Variants in PPP2R1B observed in about 807,000 individuals in gnomAD.
PPP2R1B encodes the protein protein phosphatase 2 scaffold subunit Abeta.
PPP2R1B carries 58 observed loss-of-function variants against 72.7 expected under a neutral mutation model. The observed-to-expected ratio is 0.80, with a 90% CI of 0.65 to 0.99. The LOEUF is 0.99. Among genes scored for constraint, PPP2R1B ranks in the 50% least tolerant of loss-of-function variants. The pLI, the probability that PPP2R1B is intolerant of heterozygous loss-of-function variation, is 0.00. For missense variants in PPP2R1B, 695 were observed against 733.6 expected (o/e 0.95, Z 0.61); for synonymous variants, 256 against 264.6 (o/e 0.97, Z 0.32).
At chr11:111,712,105 T>G in the PPP2R1B span, 3 of 1,169,548 alleles carry the variant, frequency 2.6e-6, no homozygotes, top group Non-Finnish European at 3.6e-6. Flanking sequence ...AAATAAATAT[T>G]CATTCTTTAA....
intron 3 of PPP2R1B, among the ~76,000 whole-genome samples, chr11:111,764,477 A>G (rs1052465657): frequency 6.6e-6 from 1 of 152,360 alleles, no homozygotes; most frequent in African/African-American, 2.4e-5. Flanking sequence ...TAAACTGACA[A>G]AGACAAAATG....
chr11:111,715,909 C>T, the PPP2R1B span, among the ~76,000 whole-genome samples: 1 of 143,280 alleles, frequency 7.0e-6, no homozygotes, highest in African/African-American at 2.6e-5. Context: ...TCAAGCGATT[C>T]TCCTGCCTCA....
At chr11:111,753,778 T>A (rs1222535387) in intron 8 of PPP2R1B, among the ~76,000 whole-genome samples, 2 of 151,936 alleles carry the variant, frequency 1.3e-5, no homozygotes, top group Non-Finnish European at 1.5e-5. Flanking sequence ...CCACCAGGCC[T>A]GGCTAATTTT....
At chr11:111,718,457 C>T in the PPP2R1B span, among the ~76,000 whole-genome samples, 1 of 152,220 alleles carries the variant, frequency 6.6e-6, no homozygotes, top group Non-Finnish European at 1.5e-5. Flanking sequence ...GCATTTACCA[C>T]TCTTCCTCTT....
chr11:111,719,706 G>C, the PPP2R1B span: 2 of 1,486,368 alleles, frequency 1.3e-6, no homozygotes, highest in Non-Finnish European at 1.8e-6. Flanking sequence ...GTCTTGACAT[G>C]TTTTCCTTTG....
intron 15 of PPP2R1B, among the ~76,000 whole-genome samples, chr11:111,732,249 C>A (rs1216531166): frequency 6.6e-6 from 1 of 152,232 alleles, no homozygotes; most frequent in Admixed American, 6.5e-5. Context: ...CCTTGACATG[C>A]AAGCTATGGA....
chr11:111,723,002 G>C (rs1943848759), downstream of PPP2R1B, among the ~76,000 whole-genome samples: 1 of 152,128 alleles, frequency 6.6e-6, no homozygotes. Flanking sequence ...TCCTCTTTGG[G>C]GTATGACTAG....
chr11:111,747,834 T>C (rs1944758264), intron 11 of PPP2R1B, 120 bp downstream of exon 11: 1 of 835,782 alleles, frequency 1.2e-6, no homozygotes, highest in East Asian at 2.8e-5. Flanking sequence ...AATTAGAGCC[T>C]TTCTTCATTC....
the PPP2R1B span, chr11:111,701,714 G>A: frequency 9.7e-7 from 1 of 1,033,662 alleles, no homozygotes; most frequent in Non-Finnish European, 1.4e-6. This position sits in a 1 kb window ranked among gnomAD's most constrained non-coding sequence, Gnocchi z 4.2. Context: ...GCTATAGAAA[G>A]AAGCAACCTC....
intron 15 of PPP2R1B, chr11:111,729,531 T>A (rs371154365): frequency 5.3e-5 from 8 of 152,374 alleles, no homozygotes; most frequent in African/African-American, 1.9e-4. Context: ...CAGCTGGTGA[T>A]AGAAGGAGCT....
At chr11:111,748,875 C>A (rs1944798511) in intron 10 of PPP2R1B, among the ~76,000 whole-genome samples, 1 of 151,478 alleles carries the variant, frequency 6.6e-6, no homozygotes, top group Non-Finnish European at 1.5e-5. Flanking sequence ...GAGATGGAGT[C>A]TCACTCTATT....
At chr11:111,736,718 T>C (rs1281633000), downstream of PPP2R1B, among the ~76,000 whole-genome samples, 4 of 152,236 alleles carry the variant, frequency 2.6e-5, no homozygotes, top group African/African-American at 9.6e-5. Flanking sequence ...TGAAAAGCCA[T>C]GTGACTTAAA....
At chr11:111,748,664 G>A (rs1213666502) in intron 10 of PPP2R1B, among the ~76,000 whole-genome samples, 2 of 152,100 alleles carry the variant, frequency 1.3e-5, no homozygotes, top group Admixed American at 1.3e-4. Context: ...TCTAACCCCG[G>A]GGCTTCCACA....
At chr11:111,725,425 C>T (rs904649057), downstream of PPP2R1B, 1 of 152,482 alleles carries the variant, frequency 6.6e-6, no homozygotes, top group Non-Finnish European at 1.5e-5. Flanking sequence ...AAAACTTAAC[C>T]AACACTTACA....
downstream of PPP2R1B, among the ~76,000 whole-genome samples, chr11:111,736,978 G>C (rs902723474): frequency 2.9e-4 from 44 of 152,334 alleles, no homozygotes; most frequent in African/African-American, 8.9e-4. Context: ...TTTCCACACA[G>C]AGTGGCATCC....
intron 15 of PPP2R1B, chr11:111,727,510 G>T (rs185177690): frequency 5.9e-6 from 1 of 170,650 alleles, no homozygotes; most frequent in Non-Finnish European, 1.3e-5. Context: ...TCTGCATTTT[G>T]ATGGGGAGCA....
intron 5 of PPP2R1B, among the ~76,000 whole-genome samples, 171 bp downstream of exon 5, chr11:111,759,633 A>G (rs1383063115): frequency 6.6e-6 from 1 of 152,228 alleles, no homozygotes; most frequent in Non-Finnish European, 1.5e-5. Context: ...TCTGGTTAAG[A>G]AAGAAACATA....
intron 5 of PPP2R1B, among the ~76,000 whole-genome samples, chr11:111,756,666 G>A (rs892899819): frequency 2.6e-5 from 4 of 152,166 alleles, no homozygotes; most frequent in East Asian, 1.9e-4. Context: ...TTTAAATGTC[G>A]AAGATCAAGG....
chr11:111,741,891 A>T, intron 14 of PPP2R1B, 162 bp downstream of exon 14: 1 of 789,986 alleles, frequency 1.3e-6, no homozygotes, highest in Non-Finnish European at 2.2e-6. Flanking sequence ...ATGGTGGGCC[A>T]AGAGGGTTCT....
Sources: gnomAD v4.1 joint callset for allele counts (sites outside exome capture counted in the v4.1 genomes callset) on GRCh38, gnomAD v4.1.1 for gene constraint, Gnocchi (gnomAD v3.1) non-coding constraint, MANE v1.5 for transcripts, NCBI Gene and HGNC (gene_info 2026-07-23, HGNC 2026-07-21) for gene names.